The following PDE4D variants were observed in gnomAD, a reference collection of about 807,000 sequenced individuals.
PDE4D encodes 3',5'-cyclic-AMP phosphodiesterase 4D.
Under a neutral mutation model 87.4 loss-of-function variants are expected in PDE4D, and 24 were observed. The ratio of observed to expected loss-of-function variants is 0.27; its 90% CI spans 0.20 to 0.39. The LOEUF is 0.39. Among genes scored for constraint, PDE4D ranks in the 10% least tolerant of loss-of-function variants. The probability of loss-of-function intolerance (pLI) is 1.00; values close to 1 mark genes in which losing one functional copy is unlikely to be tolerated. For synonymous variants in PDE4D, 384 were observed against 383.2 expected (o/e 1.00, Z -0.02); for missense variants, 714 against 1,041.0 (o/e 0.69, Z 4.32).
chr5:59,258,865 A>G (rs1157642460), intron 1 of PDE4D, among the ~76,000 whole-genome samples: 1 of 151,276 alleles, frequency 6.6e-6, no homozygotes, highest in Non-Finnish European at 1.5e-5. Context: ...GTTAGAAGTG[A>G]TACTGATTTT....
intron 3 of PDE4D, among the ~76,000 whole-genome samples, chr5:59,927,202 A>T (rs557331122): frequency 6.6e-6 from 1 of 152,224 alleles, no homozygotes; most frequent in African/African-American, 2.4e-5. Flanking sequence ...ACACACTTTT[A>T]CCTCAACTTC....
At chr5:59,370,955 A>G (rs181335495) in intron 1 of PDE4D, among the ~76,000 whole-genome samples, 1 of 152,294 alleles carries the variant, frequency 6.6e-6, no homozygotes, top group Admixed American at 6.5e-5. Flanking sequence ...AGCTTGTCCA[A>G]CCCGTGGCTT....
At chr5:59,507,374 A>C (rs1402649319) in intron 1 of PDE4D, among the ~76,000 whole-genome samples, 1 of 152,120 alleles carries the variant, frequency 6.6e-6, no homozygotes, top group East Asian at 1.9e-4. Context: ...AAAATGAATA[A>C]ATAATTTATA....
At chr5:59,990,306 A>G (rs1316369169) in intron 2 of PDE4D, among the ~76,000 whole-genome samples, 1 of 152,182 alleles carries the variant, frequency 6.6e-6, no homozygotes, top group Non-Finnish European at 1.5e-5. Flanking sequence ...TGCACTCAAC[A>G]AAATGGCAGC....
chr5:60,154,494 T>G (rs2910837), intron 2 of PDE4D, among the ~76,000 whole-genome samples: 22,737 of 152,148 alleles, frequency 0.15, 1,756 homozygotes, highest in South Asian at 0.23. Context: ...CAGGCTGGTC[T>G]GGAACTCCTG....
At chr5:59,314,533 A>G (rs1415075720) in intron 1 of PDE4D, 2 of 152,168 alleles carry the variant, frequency 1.3e-5, no homozygotes, top group East Asian at 1.9e-4. Flanking sequence ...TCAGTAGCTA[A>G]TGCAGTCATG....
At chr5:59,774,746 G>A (rs1285349522) in intron 1 of PDE4D, among the ~76,000 whole-genome samples, 1 of 147,452 alleles carries the variant, frequency 6.8e-6, no homozygotes, top group Non-Finnish European at 1.5e-5. Context: ...GGAGTGCAGT[G>A]GTGCCATCTC....
At chr5:60,031,907 A>G (rs1031679061) in intron 2 of PDE4D, among the ~76,000 whole-genome samples, 1 of 152,208 alleles carries the variant, frequency 6.6e-6, no homozygotes, top group African/African-American at 2.4e-5. Context: ...ACAGACTGTC[A>G]GTGAAGTTGA....
chr5:60,449,680 A>T (rs1745941841), intron 1 of PDE4D, among the ~76,000 whole-genome samples: 1 of 151,186 alleles, frequency 6.6e-6, no homozygotes, highest in Non-Finnish European at 1.5e-5. Flanking sequence ...AAAATAAAAA[A>T]TAAAATTAGG....
In PDE4D at chr5:59,652,490, A is replaced by G. The variant is rs553684926; in HGVS notation, c.455+240678T>C. The stretch of plus-strand genomic sequence containing the variant: ...TGTGTGCTCAGGATGTGTAACAATA[A>G]GCATTTGGAGTACACTAAGAGAATT... On this transcript the variant is annotated intron_variant, in intron 1 of 14. Coordinates refer to ENST00000340635, the MANE Select transcript of PDE4D (RefSeq NM_001104631.2). Among the ~76,000 whole-genome samples the G allele has an allele frequency of 2.0e-5, 3 of 152,348 alleles. No individual in the cohort carries two copies. In the South Asian group the frequency reaches 6.2e-4, roughly 32 times the overall value.
chr5:59,895,823 T>G (rs548170017), upstream of PDE4D, among the ~76,000 whole-genome samples: 4 of 152,354 alleles, frequency 2.6e-5, no homozygotes, highest in East Asian at 7.7e-4. Flanking sequence ...TTTTCCAGAT[T>G]AAATTGGAAT....
chr5:59,571,986 A>C (rs2153695980), intron 1 of PDE4D, among the ~76,000 whole-genome samples: 1 of 152,298 alleles, frequency 6.6e-6, no homozygotes, highest in African/African-American at 2.4e-5. Context: ...GCTATTTCAT[A>C]ATCATTTTCA....
At chr5:60,331,784 A>G (rs1459838241) in intron 1 of PDE4D, among the ~76,000 whole-genome samples, 3 of 152,188 alleles carry the variant, frequency 2.0e-5, no homozygotes, top group Non-Finnish European at 4.4e-5. Flanking sequence ...TTTAGAAGTA[A>G]ATTCTATGGG....
At chr5:59,605,606 G>A (rs1323777050) in intron 1 of PDE4D, among the ~76,000 whole-genome samples, 1 of 152,030 alleles carries the variant, frequency 6.6e-6, no homozygotes, top group African/African-American at 2.4e-5. Context: ...TCAAACAGGG[G>A]TTCAAACTCC....
intron 1 of PDE4D, among the ~76,000 whole-genome samples, chr5:60,318,815 C>T (rs1755903753): frequency 6.6e-6 from 1 of 152,056 alleles, no homozygotes; most frequent in African/African-American, 2.4e-5. Flanking sequence ...TATTGGCCCC[C>T]ACTCTCTTCT....
intron 1 of PDE4D, among the ~76,000 whole-genome samples, chr5:60,435,641 T>G (rs1744700043): frequency 6.6e-6 from 1 of 151,992 alleles, no homozygotes; most frequent in Non-Finnish European, 1.5e-5. Context: ...GCAACTTGAA[T>G]AAATGAGAGA....
chr5:60,405,490 G>A lies in PDE4D; in HGVS notation c.-90+82452C>T, dbSNP rs115831899. The stretch of plus-strand genomic sequence containing the variant: ...GGACAATGAGGTCACTGGCCCTGTC[G>A]AGGACTCTTCAAACCATTCCACATA... On this transcript the variant is annotated intron_variant, in intron 1 of 16. Coordinates refer to the PDE4D transcript ENST00000502484. Among the ~76,000 whole-genome samples the A allele has an allele frequency of 9.1e-3, 1,392 of 152,308 alleles. 16 individuals carry two copies. The highest frequency in any genetic ancestry group is 0.031 in the African/African-American group (1,309 of 41,562).
chr5:59,218,800 T>A (rs1043504717), intron 1 of PDE4D, among the ~76,000 whole-genome samples: 3 of 152,102 alleles, frequency 2.0e-5, no homozygotes, highest in Non-Finnish European at 2.9e-5. Flanking sequence ...CTAATATTAG[T>A]ATTAGCTTTA....
intron 1 of PDE4D, among the ~76,000 whole-genome samples, chr5:59,320,022 A>G (rs1774430608): frequency 1.3e-5 from 2 of 151,988 alleles, no homozygotes; most frequent in East Asian, 3.9e-4. Context: ...AGTGGAGAAG[A>G]CACCCAGTCC....
Sources: gnomAD v4.1 joint callset for allele counts (sites outside exome capture counted in the v4.1 genomes callset) on GRCh38, gnomAD v4.1.1 for gene constraint, MANE v1.5 for transcripts, NCBI Gene and HGNC (gene_info 2026-07-23, HGNC 2026-07-21) for gene names.